The following MRPL23 variants were observed in gnomAD, a reference collection of about 807,000 sequenced individuals.
The protein encoded by MRPL23 is mitochondrial ribosomal protein L23.
For missense variants in MRPL23, 25 were observed against 81.3 expected (o/e 0.31, Z 2.66); for synonymous variants, 12 against 34.8 (o/e 0.35, Z 2.30).
At chr11:1,975,014 C>T (rs2119567115), downstream of MRPL23, among the ~76,000 whole-genome samples, 1 of 140,550 alleles carries the variant, frequency 7.1e-6, no homozygotes, top group Non-Finnish European at 1.6e-5. Flanking sequence ...AGGGCTGGAC[C>T]AGAGGCTCTT....
At chr11:1,988,627 G>C (rs1217181062), downstream of MRPL23, among the ~76,000 whole-genome samples, 1 of 121,502 alleles carries the variant, frequency 8.2e-6, no homozygotes, top group African/African-American at 3.1e-5. Flanking sequence ...GGCTAGCTAA[G>C]AGGCGAGGGT....
the MRPL23 span, among the ~76,000 whole-genome samples, chr11:1,991,588 A>ACACACACC: frequency 4.0e-5 from 5 of 124,732 alleles, no homozygotes; most frequent in South Asian, 7.1e-4. Context: ...ACACACACAC[A>ACACACACC]CCCGTGCACA....
At chr11:1,994,332 C>T in the MRPL23 span, among the ~76,000 whole-genome samples, 1 of 97,532 alleles carries the variant, frequency 1.0e-5, no homozygotes, top group African/African-American at 2.7e-5. Flanking sequence ...TGCGGGGAAG[C>T]TGACCCGGAA....
At chr11:1,973,963 T>G, downstream of MRPL23, among the ~76,000 whole-genome samples, 3 of 77,254 alleles carry the variant, frequency 3.9e-5, no homozygotes, top group Non-Finnish European at 5.5e-5. Context: ...CAGGAGAGAG[T>G]TTTGCTCTGC....
At chr11:1,991,725 G>A in the MRPL23 span, among the ~76,000 whole-genome samples, 3 of 125,914 alleles carry the variant, frequency 2.4e-5, no homozygotes, top group African/African-American at 7.9e-5. Flanking sequence ...GCCCCCGCCC[G>A]GACCCACTGC....
the MRPL23 span, among the ~76,000 whole-genome samples, chr11:1,992,451 C>G: frequency 1.4e-5 from 1 of 69,818 alleles, no homozygotes; most frequent in African/African-American, 3.4e-5. Flanking sequence ...GCCGCAGAAA[C>G]TTGGGTGGGT....
rs141261988 is a variant in MRPL23, at chr11:1,950,365, T to C, written c.18-534T>C. Among the ~76,000 whole-genome samples, 14 of 3,052 alleles carry C rather than the reference T, an allele frequency of 4.6e-3. 2 individuals carry two copies. Among genetic ancestry groups the C allele is most frequent in the African/African-American group, 8.6e-3 (14 of 1,622 alleles). 2.0% of individuals were successfully genotyped at this position (3,052 alleles called of 152,430 possible). On this transcript the variant is annotated intron_variant, in intron 1 of 4. Coordinates refer to ENST00000397298, the MANE Select transcript of MRPL23 (RefSeq NM_021134.4). ...GTCTTTGAGCCTTGCCATCAGCTTATTGGGGGAATGCTGTCTGCGGGGTTC... is the reference window on the plus strand; with the variant it reads ...GTCTTTGAGCCTTGCCATCAGCTTACTGGGGGAATGCTGTCTGCGGGGTTC...
At chr11:1,959,966 C>G (rs967972199), downstream of MRPL23, among the ~76,000 whole-genome samples, 2 of 131,558 alleles carry the variant, frequency 1.5e-5, no homozygotes, top group African/African-American at 5.3e-5. Context: ...CAGCGCTGCT[C>G]CGTGTCCCCA....
At chr11:1,978,452 AAAAAG>A (rs1030599341) in intron 5 of MRPL23, among the ~76,000 whole-genome samples, 4 of 141,042 alleles carry the variant, frequency 2.8e-5, no homozygotes, top group African/African-American at 7.5e-5. Flanking sequence ...TGGAAAAAAG[AAAAAG>A]AAAAGAAAAG....
downstream of MRPL23, among the ~76,000 whole-genome samples, chr11:1,957,922 C>A (rs369763666): frequency 8.7e-6 from 1 of 114,960 alleles, no homozygotes; most frequent in African/African-American, 3.1e-5. Flanking sequence ...AGAGCAAGGC[C>A]CCCTCCCTGC....
intron 4 of MRPL23, among the ~76,000 whole-genome samples, chr11:1,953,690 G>A (rs1268458514): frequency 3.0e-5 from 3 of 100,118 alleles, no homozygotes; most frequent in Non-Finnish European, 5.9e-5. Flanking sequence ...CCTGGAGGCC[G>A]AGCCGGCGGG....
At chr11:1,960,033 G>A (rs1036988245), downstream of MRPL23, among the ~76,000 whole-genome samples, 1 of 118,652 alleles carries the variant, frequency 8.4e-6, no homozygotes, top group African/African-American at 2.9e-5. Context: ...GTGCCATGCT[G>A]CGTGCATGGG....
chr11:1,994,504 TCC>T, the MRPL23 span, among the ~76,000 whole-genome samples: 1 of 95,066 alleles, frequency 1.1e-5, no homozygotes, highest in Non-Finnish European at 2.8e-5. Context: ...AACTTCTTCC[TCC>T]CTCCTCCTGG....
chr11:1,991,344 G>A, the MRPL23 span: 1 of 11,108 alleles, frequency 9.0e-5, no homozygotes, highest in Admixed American at 8.4e-4. Flanking sequence ...GCCAGGGAGC[G>A]GGGTAGAGGG....
At chr11:1,983,999 C>T (rs370008307) in intron 5 of MRPL23, 16 of 109,382 alleles carry the variant, frequency 1.5e-4, no homozygotes, top group African/African-American at 4.6e-4. Flanking sequence ...CCTCAGCCCC[C>T]AGGTGCACTG....
At chr11:1,971,302 G>A (rs1338527476) in intron 4 of MRPL23, among the ~76,000 whole-genome samples, 1 of 106,902 alleles carries the variant, frequency 9.4e-6, no homozygotes, top group Non-Finnish European at 2.3e-5. Flanking sequence ...CCCCCAGTGC[G>A]CCCCTGGAAC....
the MRPL23 span, among the ~76,000 whole-genome samples, chr11:1,994,605 C>T: frequency 0.62 from 56,143 of 90,798 alleles, 23,949 homozygotes; most frequent in South Asian, 0.79. Flanking sequence ...GCTCCTTGTG[C>T]GGGGCCGTCC....
At chr11:1,959,804 G>A (rs137898367), downstream of MRPL23, among the ~76,000 whole-genome samples, 48 of 59,902 alleles carry the variant, frequency 8.0e-4, no homozygotes, top group African/African-American at 2.7e-3. Flanking sequence ...AGGAGTGGGA[G>A]AGGGACCCTG....
In MRPL23 at chr11:1,956,199, AC is replaced by A. The variant is rs1856402790; in HGVS notation, c.298-53del. On this transcript the variant is annotated intron_variant, in intron 4 of 4. Transcript: ENST00000397298. Reference sequence around the variant, plus strand: ...CAGAAAGCATGAGGCTCCCCCACAGACCCCTCTGCTGAGGAGTCTTTGCAGC... The same window carrying A: ...CAGAAAGCATGAGGCTCCCCCACAGACCCTCTGCTGAGGAGTCTTTGCAGC... 3.5e-5 allele frequency: 19 copies of A among 543,302 alleles called. 3 individuals carry two copies. In the South Asian group the frequency reaches 5.0e-4, roughly 14 times the overall value. The allele number at this position is 543,302 out of a possible 1,614,324, so 33.7% of individuals were successfully genotyped here.
Sources: gnomAD v4.1 joint callset for allele counts (sites outside exome capture counted in the v4.1 genomes callset) on GRCh38, gnomAD v4.1.1 for gene constraint, MANE v1.5 for transcripts, NCBI Gene and HGNC (gene_info 2026-07-23, HGNC 2026-07-21) for gene names.